Variants in SORCS2 observed in about 807,000 individuals in gnomAD.
SORCS2 encodes VPS10 domain-containing receptor SorCS2.
Under a neutral mutation model 141.6 loss-of-function variants are expected in SORCS2, and 100 were observed. That is an observed-to-expected ratio of 0.71 (90% CI 0.60 to 0.83). The LOEUF is 0.83. SORCS2 is among the 40% of genes least tolerant of loss of function. The pLI, the probability that SORCS2 is intolerant of heterozygous loss-of-function variation, is 0.00. For synonymous variants in SORCS2, 789 were observed against 676.9 expected, an observed-to-expected ratio of 1.17 and a Z score of -2.57; for missense variants, 1,646 against 1,560.2, an observed-to-expected ratio of 1.05 and a Z score of -0.93.
At chr4:7,711,796 G>A (rs771117533) in intron 14 of SORCS2, among the ~76,000 whole-genome samples, 1 of 152,198 alleles carries the variant, frequency 6.6e-6, no homozygotes, top group African/African-American at 2.4e-5. Flanking sequence ...GGGCGGACCC[G>A]GCCTACCAGG....
At chr4:7,207,973 T>C (rs2108876350) in intron 1 of SORCS2, among the ~76,000 whole-genome samples, 1 of 152,244 alleles carries the variant, frequency 6.6e-6, no homozygotes, top group Admixed American at 6.5e-5. Context: ...ACCCGGGAAC[T>C]TCTGGGACTT....
intron 2 of SORCS2, among the ~76,000 whole-genome samples, chr4:7,415,674 A>C (rs1176562173): frequency 6.6e-6 from 1 of 152,246 alleles, no homozygotes; most frequent in African/African-American, 2.4e-5. Context: ...ACAGGCATGA[A>C]GGCATCTAGA....
intron 3 of SORCS2, among the ~76,000 whole-genome samples, chr4:7,571,883 C>A (rs1023221627): frequency 9.2e-5 from 14 of 152,320 alleles, no homozygotes; most frequent in Admixed American, 8.5e-4. Context: ...GTCGACCCCC[C>A]TCGCGGTGCC....
At chr4:7,675,898 G>A in intron 8 of SORCS2, among the ~76,000 whole-genome samples, 152 bp from the exon 9 acceptor site, 1 of 152,208 alleles carries the variant, frequency 6.6e-6, no homozygotes, top group East Asian at 1.9e-4. Context: ...ACAGAGCCCA[G>A]AGCAGCCGAG....
rs547529334 is a variant in SORCS2 at position 7,570,201 on chromosome 4, G to A, written c.648+38572G>A. Among the ~76,000 whole-genome samples the A allele has an allele frequency of 3.2e-4, 49 of 152,362 alleles. No individual in the cohort carries two copies. In the South Asian group the frequency reaches 8.5e-3, roughly 26 times the overall value. ...GGGGAGGGTAGTGAGTGATGGATTA[G>A]AACGCAGCCCGTCTGCTGTGGAGTT... On this transcript the variant is annotated intron_variant, in intron 3 of 26. Transcript: ENST00000507866.
intron 1 of SORCS2, among the ~76,000 whole-genome samples, chr4:7,238,140 C>T (rs572640903): frequency 6.6e-6 from 1 of 152,238 alleles, no homozygotes; most frequent in Admixed American, 6.5e-5. Context: ...TTTGCAGAGG[C>T]CGAATGACAT....
chr4:7,465,681 C>T (rs1729573001), intron 2 of SORCS2, among the ~76,000 whole-genome samples: 1 of 152,234 alleles, frequency 6.6e-6, no homozygotes, highest in Non-Finnish European at 1.5e-5. Flanking sequence ...AAAATTCATA[C>T]ATGGTCCTAC....
At chr4:7,397,365 G>A (rs1217273316) in intron 2 of SORCS2, among the ~76,000 whole-genome samples, 1 of 152,084 alleles carries the variant, frequency 6.6e-6, no homozygotes, top group Non-Finnish European at 1.5e-5. Context: ...GGTCATCTGT[G>A]CTGCTAAATG....
intron 1 of SORCS2, among the ~76,000 whole-genome samples, chr4:7,337,503 G>A (rs1434254341): frequency 6.6e-6 from 1 of 152,140 alleles, no homozygotes; most frequent in South Asian, 2.1e-4. Flanking sequence ...GAGCGCAGGT[G>A]CACCGGCCCT....
At chr4:7,586,477 T>C (rs1217692270) in intron 3 of SORCS2, among the ~76,000 whole-genome samples, 1 of 152,148 alleles carries the variant, frequency 6.6e-6, no homozygotes, top group Non-Finnish European at 1.5e-5. Context: ...GATGCTCTCC[T>C]TGCCCCATTC....
At chr4:7,676,716 TTC>T (rs145978640) in intron 9 of SORCS2, among the ~76,000 whole-genome samples, 2 of 109,112 alleles carry the variant, frequency 1.8e-5, no homozygotes, top group Non-Finnish European at 3.8e-5. Context: ...AAATCTGCCT[TTC>T]TCTCTCTCTC....
At chr4:7,541,402 C>G (rs1447129262) in intron 3 of SORCS2, among the ~76,000 whole-genome samples, 1 of 152,232 alleles carries the variant, frequency 6.6e-6, no homozygotes, top group Non-Finnish European at 1.5e-5. Context: ...AGGGAGGATT[C>G]CCAGTGCTCT....
chr4:7,531,185 G>A (rs1432899341), intron 2 of SORCS2, among the ~76,000 whole-genome samples: 1 of 152,194 alleles, frequency 6.6e-6, no homozygotes, highest in Non-Finnish European at 1.5e-5. Flanking sequence ...AGGCTTCTCT[G>A]GTCACCTGTG....
chr4:7,346,596 C>T (rs112946619), intron 1 of SORCS2, among the ~76,000 whole-genome samples: 1 of 152,232 alleles, frequency 6.6e-6, no homozygotes, highest in African/African-American at 2.4e-5. Context: ...ACTGATCTTC[C>T]ACCTACTTGC....
At chr4:7,737,820 A>G (rs1712319556) in intron 26 of SORCS2, among the ~76,000 whole-genome samples, 2 of 152,140 alleles carry the variant, frequency 1.3e-5, no homozygotes, top group Admixed American at 6.5e-5. Context: ...AGGGTCTCTC[A>G]TGAGGCTGCA....
At chr4:7,695,912 ATGGATG>A (rs1724666486) in intron 11 of SORCS2, among the ~76,000 whole-genome samples, 2 of 95,074 alleles carry the variant, frequency 2.1e-5, no homozygotes, top group Non-Finnish European at 4.5e-5. Context: ...GGATGGATGG[ATGGATG>A]GATGGATTGG....
At chr4:7,669,166 G>A (rs947250757) in intron 8 of SORCS2, among the ~76,000 whole-genome samples, 2 of 152,184 alleles carry the variant, frequency 1.3e-5, no homozygotes, top group African/African-American at 4.8e-5. Context: ...CATGGAAATT[G>A]GAGGTCATTG....
chr4:7,592,795 T>A (rs1008499935), intron 3 of SORCS2, among the ~76,000 whole-genome samples: 5 of 152,242 alleles, frequency 3.3e-5, no homozygotes, highest in Non-Finnish European at 7.3e-5. Context: ...ATGTAATCCC[T>A]ACCTCACAAC....
intron 2 of SORCS2, among the ~76,000 whole-genome samples, chr4:7,410,434 C>T (rs1725229967): frequency 6.6e-6 from 1 of 152,314 alleles, no homozygotes. Context: ...AATTCTGGCT[C>T]CATATTTCCC....
Sources: allele counts gnomAD v4.1 joint callset (sites outside exome capture counted in the v4.1 genomes callset), GRCh38; gene constraint gnomAD v4.1.1; transcripts MANE v1.5; gene names NCBI Gene and HGNC (gene_info 2026-07-23, HGNC 2026-07-21).